The following WNT7B variants were observed in gnomAD, a reference collection of about 807,000 sequenced individuals.
The protein encoded by WNT7B is Wnt family member 7B.
WNT7B carries 19 observed loss-of-function variants against 38.2 expected under a neutral mutation model. The observed-to-expected ratio is 0.50, with a 90% CI of 0.35 to 0.73. The LOEUF (loss-of-function observed/expected upper bound fraction) is 0.73, where lower values mean the gene tolerates loss of function less well. Ranked by LOEUF, WNT7B falls within the 30% of genes least tolerant of loss-of-function variation. The pLI, the probability that WNT7B is intolerant of heterozygous loss-of-function variation, is 0.01. For synonymous variants in WNT7B, 243 were observed against 209.3 expected, an observed-to-expected ratio of 1.16 and a Z score of -1.39; for missense variants, 423 against 507.9, an observed-to-expected ratio of 0.83 and a Z score of 1.61.
intron 3 of WNT7B, among the ~76,000 whole-genome samples, chr22:45,928,555 C>G (rs1931170381): frequency 6.6e-6 from 1 of 152,124 alleles, no homozygotes; most frequent in African/African-American, 2.4e-5. Flanking sequence ...ATCATCAGAG[C>G]CCTTTCCTGT....
In WNT7B at chr22:45,951,338, A is replaced by G. The variant is rs962990888; in HGVS notation, c.72-1192T>C. ...GTCATCTGCCCGCCTCGGCCTCCCA[A>G]AATGCTGGGATTACAGGTGTGAGCC... is the stretch of plus-strand genomic sequence containing the variant. On this transcript the variant is annotated intron_variant, in intron 1 of 3. Transcript: ENST00000339464. The surrounding 1 kb of genome is among the most constrained non-coding windows in gnomAD (Gnocchi z 4.8). Among the ~76,000 whole-genome samples the G allele has an allele frequency of 3.3e-5, 5 of 151,162 alleles. No individual in the cohort carries two copies. The highest frequency in any genetic ancestry group is 7.4e-5 in the Non-Finnish European group (5 of 67,900).
intron 2 of WNT7B, among the ~76,000 whole-genome samples, chr22:45,944,325 C>A (rs926852686): frequency 2.0e-5 from 3 of 152,224 alleles, no homozygotes; most frequent in Non-Finnish European, 2.9e-5. Flanking sequence ...GGCCTCCATG[C>A]CACCCCCAGG....
intron 2 of WNT7B, among the ~76,000 whole-genome samples, chr22:45,944,359 C>T (rs1031176668): frequency 3.9e-5 from 6 of 152,224 alleles, no homozygotes; most frequent in African/African-American, 1.4e-4. Context: ...CTGCCACTGC[C>T]ATAGCCCCTC....
rs193013349 is a variant in WNT7B, at chr22:45,957,615, G to A, written c.72-7469C>T. Among the ~76,000 whole-genome samples, 687 of 127,084 alleles carry A rather than the reference G, an allele frequency of 5.4e-3. 4 individuals are homozygous for A. The highest frequency in any genetic ancestry group is 0.013 in the Admixed American group (125 of 9,972). The allele number at this position is 127,084 out of a possible 152,430, so 83.4% of individuals were successfully genotyped here. On this transcript the variant is annotated intron_variant, in intron 1 of 3. Coordinates refer to ENST00000339464, the MANE Select transcript of WNT7B (RefSeq NM_058238.3). Reference sequence around the variant, plus strand: ...AGGAGAATTGCTTGAACCAGGAGGCGAAAGTTGCAGTGAGCCGAGATCATG... The same window carrying A: ...AGGAGAATTGCTTGAACCAGGAGGCAAAAGTTGCAGTGAGCCGAGATCATG...
At chr22:45,927,143 G>A in intron 3 of WNT7B, 2 of 984,552 alleles carry the variant, frequency 2.0e-6, no homozygotes, top group Non-Finnish European at 2.4e-6. Flanking sequence ...GCCTCTGTCT[G>A]CCCTGCTGAC....
chr22:45,974,390 T>C lies in WNT7B; in HGVS notation c.71+2294A>G, dbSNP rs188259009. On this transcript the variant is annotated intron_variant, in intron 1 of 3. Coordinates refer to ENST00000339464, the MANE Select transcript of WNT7B (RefSeq NM_058238.3). Reference sequence around the variant, plus strand: ...GACACACCTGGGCCCAGCTTCCCCCTTCTACCGCTGCGCGTAGCCAAGATG... The same window carrying C: ...GACACACCTGGGCCCAGCTTCCCCCCTCTACCGCTGCGCGTAGCCAAGATG... Among the ~76,000 whole-genome samples, 17 of 152,318 alleles carry C rather than the reference T, an allele frequency of 1.1e-4. No individual in the cohort carries two copies. In the South Asian group the frequency reaches 1.5e-3, roughly 13 times the overall value.
At chr22:45,972,250 T>A (rs62226057) in intron 1 of WNT7B, 2 of 634,730 alleles carry the variant, frequency 3.2e-6, no homozygotes, top group Admixed American at 2.5e-5. Context: ...TGGGCCGGCG[T>A]GCCTGGCGGG....
intron 1 of WNT7B, among the ~76,000 whole-genome samples, chr22:45,967,976 G>T (rs1264561296): frequency 6.6e-6 from 1 of 152,148 alleles, no homozygotes; most frequent in Non-Finnish European, 1.5e-5. Context: ...TGGGTGAGGA[G>T]CTGGAACTGG....
chr22:45,923,207 G>A lies in WNT7B; in HGVS notation c.699C>T (p.Asn233=), dbSNP rs374174469. ...GCACCACCTCCACCTGCACGGCCGC[G>A]TTGTACTTCTCCTTCAGCAGGTGGC... ...EVGHLLKEKY[N]AAVQVEVVRA... is the part of the protein sequence containing the mutation. The change falls in exon 4 of 4, where the codon AAC becomes AAT. Residue 233 remains asparagine (N), a synonymous_variant. Transcript: ENST00000339464. The A allele has an allele frequency of 9.4e-5, 151 of 1,613,008 alleles. No homozygotes were observed. The highest frequency in any genetic ancestry group is 7.7e-5 in the South Asian group (7 of 91,088).
Position 45,965,406 on chromosome 22 carries a change from G to T in WNT7B, c.71+11278C>A, listed in dbSNP as rs547865788. Among the ~76,000 whole-genome samples, 2 of 152,166 alleles carry T rather than the reference G, an allele frequency of 1.3e-5. No individual in the cohort carries two copies. The highest frequency in any genetic ancestry group is 4.8e-5 in the African/African-American group (2 of 41,436). ...CCTGGCCAGCCCTGATAACCCACCC[G>T]CGGGGGCTGCCGTCACGCTGTGGGC... On this transcript the variant is annotated intron_variant, in intron 1 of 3. Coordinates refer to ENST00000339464, the MANE Select transcript of WNT7B (RefSeq NM_058238.3). This position sits in a 1 kb window ranked among gnomAD's most constrained non-coding sequence, Gnocchi z 6.5.
At chr22:45,964,939 G>A (rs1266516574) in intron 1 of WNT7B, among the ~76,000 whole-genome samples, 1 of 152,128 alleles carries the variant, frequency 6.6e-6, no homozygotes, top group Non-Finnish European at 1.5e-5. Context: ...ATCTGCAGCT[G>A]GTGGGCAGGA....
chr22:45,976,726 A>T lies in WNT7B; in HGVS notation c.29T>A (p.Phe10Tyr). Reference protein sequence around the residue: MHRNFRKWIFYVFLCFGVLY... With the variant: MHRNFRKWIYYVFLCFGVLY... ...GACGCCAAAGCAGAGAAACACGTAG[A>T]AAATCCACTTGCGAAAGTTTCTGTG... Residue 10 changes from phenylalanine to tyrosine, a missense_variant, in exon 1 of 4, where the codon TTC becomes TAC. Physicochemically the swap from Phe to Tyr is conservative, Grantham distance 22. Coordinates refer to ENST00000339464, the MANE Select transcript of WNT7B (RefSeq NM_058238.3). The surrounding 1 kb of genome is among the most constrained non-coding windows in gnomAD (Gnocchi z 8.5). The T allele has an allele frequency of 6.2e-7, 1 of 1,610,442 alleles. No individual in the cohort carries two copies. Among genetic ancestry groups the T allele is most frequent in the Non-Finnish European group, 8.5e-7 (1 of 1,178,004 alleles).
intron 2 of WNT7B, among the ~76,000 whole-genome samples, chr22:45,943,071 ATGTGTGCACG>A (rs1931703005): frequency 6.7e-6 from 1 of 148,262 alleles, no homozygotes; most frequent in Non-Finnish European, 1.5e-5. Flanking sequence ...CAGTGTGCAC[ATGTGTGCACG>A]TGTGTGCGTG....
chr22:45,929,722 A>ATCCAT (rs1213526388), intron 3 of WNT7B, among the ~76,000 whole-genome samples: 1 of 113,418 alleles, frequency 8.8e-6, no homozygotes, highest in Non-Finnish European at 1.9e-5. Context: ...CCGTGAATCC[A>ATCCAT]CTCACCCATC....
intron 2 of WNT7B, among the ~76,000 whole-genome samples, chr22:45,931,906 C>A (rs1227025166): frequency 1.3e-5 from 2 of 152,194 alleles, no homozygotes; most frequent in African/African-American, 4.8e-5. Context: ...GTCCCCACCC[C>A]CAGCCAGGAA....
chr22:45,973,240 TTCCTTTTATTTTTTGTTTAAG>T (rs1932489423), intron 1 of WNT7B, among the ~76,000 whole-genome samples: 1 of 152,096 alleles, frequency 6.6e-6, no homozygotes, highest in African/African-American at 2.4e-5. Flanking sequence ...CCTCCTCGAG[TTCCTTTTATTTTTTGTTTAAG>T]CCCAGAAACA....
chr22:45,946,896 G>A (rs1931810094), intron 2 of WNT7B, among the ~76,000 whole-genome samples: 1 of 152,238 alleles, frequency 6.6e-6, no homozygotes, highest in Non-Finnish European at 1.5e-5. Context: ...CACAGCCCAA[G>A]GTCAACGCCT....
chr22:45,924,452 G>A (rs1412463698), intron 3 of WNT7B, among the ~76,000 whole-genome samples: 4 of 152,254 alleles, frequency 2.6e-5, no homozygotes, highest in Non-Finnish European at 5.9e-5. Context: ...AAGGTGCTGC[G>A]GGAACCCAGG....
chr22:45,927,564 C>A (rs180686098), intron 3 of WNT7B: 10 of 1,250,568 alleles, frequency 8.0e-6, no homozygotes, highest in Middle Eastern at 1.8e-4. Flanking sequence ...CCTGGGTTGT[C>A]CAAGTAGGCC....
Sources: gnomAD v4.1 joint callset for allele counts (sites outside exome capture counted in the v4.1 genomes callset) on GRCh38, gnomAD v4.1.1 for gene constraint, Gnocchi (gnomAD v3.1) non-coding constraint, MANE v1.5 for transcripts, NCBI Gene and HGNC (gene_info 2026-07-23, HGNC 2026-07-21) for gene names.